PTPRG: variants seen among roughly 807,000 people sequenced by gnomAD.
PTPRG encodes protein tyrosine phosphatase receptor type G.
In PTPRG, 102 loss-of-function variants were observed where a neutral mutation model predicts 165.3. That is an observed-to-expected ratio of 0.62 (90% CI 0.53 to 0.73). The LOEUF is 0.73. Ranked by LOEUF, PTPRG falls within the 30% of genes least tolerant of loss-of-function variation. The pLI, the probability that PTPRG is intolerant of heterozygous loss-of-function variation, is 0.00. For missense variants in PTPRG, 1,866 were observed against 1,861.4 expected, an observed-to-expected ratio of 1.00 and a Z score of -0.05; for synonymous variants, 675 against 669.5, an observed-to-expected ratio of 1.01 and a Z score of -0.13.
At chr3:61,975,739 T>C (rs2040487463) in intron 2 of PTPRG, among the ~76,000 whole-genome samples, 1 of 152,210 alleles carries the variant, frequency 6.6e-6, no homozygotes, top group South Asian at 2.1e-4. Flanking sequence ...CACAGTTGCA[T>C]GTGTTTCTCC....
intron 1 of PTPRG, among the ~76,000 whole-genome samples, chr3:61,634,787 A>G (rs964093254): frequency 1.4e-4 from 21 of 152,216 alleles, no homozygotes; most frequent in African/African-American, 3.9e-4. Flanking sequence ...TAATGATGGG[A>G]TGTTTCTCTA....
At chr3:62,025,561 G>C (rs1315706895) in intron 4 of PTPRG, among the ~76,000 whole-genome samples, 1 of 152,096 alleles carries the variant, frequency 6.6e-6, no homozygotes, top group Non-Finnish European at 1.5e-5. Flanking sequence ...TTTGTTGACA[G>C]CCGTAAAATG....
intron 1 of PTPRG, among the ~76,000 whole-genome samples, chr3:61,685,863 C>T (rs1237288909): frequency 6.6e-6 from 1 of 152,162 alleles, no homozygotes; most frequent in African/African-American, 2.4e-5. Flanking sequence ...TAATTGACTG[C>T]TGGCACATTG....
Position 61,741,709 on chromosome 3 carries a change from C to T in PTPRG, c.86-7169C>T, listed in dbSNP as rs751969969. On this transcript the variant is annotated intron_variant, in intron 1 of 29. Coordinates refer to ENST00000474889, the MANE Select transcript of PTPRG (RefSeq NM_002841.4). ...GATAATGACATAGCAGAGGTCAAGT[C>T]GACATGGCTGGTTCAATACAGTCAG... Among the ~76,000 whole-genome samples, 4 of 151,970 alleles carry T rather than the reference C, an allele frequency of 2.6e-5. No individual in the cohort carries two copies. In the East Asian group the frequency reaches 5.8e-4, roughly 22 times the overall value.
intron 8 of PTPRG, among the ~76,000 whole-genome samples, chr3:62,179,513 A>C (rs1674466419): frequency 6.6e-6 from 1 of 152,266 alleles, no homozygotes; most frequent in African/African-American, 2.4e-5. Flanking sequence ...AAGGCTTGCC[A>C]GAAGAGAAGA....
At chr3:61,850,970 C>T (rs1304010458) in intron 2 of PTPRG, among the ~76,000 whole-genome samples, 1 of 152,174 alleles carries the variant, frequency 6.6e-6, no homozygotes, top group East Asian at 1.9e-4. Flanking sequence ...CTGAGAGGCT[C>T]CAGCACTGTC....
At chr3:61,810,659 T>C (rs2035547172) in intron 2 of PTPRG, among the ~76,000 whole-genome samples, 1 of 152,178 alleles carries the variant, frequency 6.6e-6, no homozygotes, top group Admixed American at 6.6e-5. Flanking sequence ...CCTACCTCTT[T>C]TGGACAGATT....
chr3:62,082,601 T>C (rs1156594329), intron 5 of PTPRG, among the ~76,000 whole-genome samples: 1 of 152,228 alleles, frequency 6.6e-6, no homozygotes, highest in East Asian at 1.9e-4. Context: ...CAAGCAGTCT[T>C]ATTCATGTGT....
intron 2 of PTPRG, among the ~76,000 whole-genome samples, chr3:61,958,545 C>T (rs1179725260): frequency 6.6e-6 from 1 of 152,180 alleles, no homozygotes; most frequent in Non-Finnish European, 1.5e-5. Context: ...GAAGCCATCC[C>T]TGATTCTCTT....
chr3:61,969,545 A>C (rs2040340045), intron 2 of PTPRG, among the ~76,000 whole-genome samples: 1 of 152,172 alleles, frequency 6.6e-6, no homozygotes, highest in African/African-American at 2.4e-5. Flanking sequence ...GTCTTCTTCA[A>C]GGGCAAGAGG....
chr3:61,736,408 C>G (rs185869464), intron 1 of PTPRG, among the ~76,000 whole-genome samples: 4 of 151,546 alleles, frequency 2.6e-5, no homozygotes, highest in African/African-American at 7.3e-5. Context: ...TCCTTATTTT[C>G]TCTGTGAATA....
intron 13 of PTPRG, among the ~76,000 whole-genome samples, chr3:62,227,531 A>T (rs1700790029): frequency 6.6e-6 from 1 of 152,230 alleles, no homozygotes; most frequent in Admixed American, 6.5e-5. Context: ...AAGAGAGGAA[A>T]CGGTTTCCAG....
chr3:62,143,080 C>G (rs1408410528), intron 6 of PTPRG, among the ~76,000 whole-genome samples: 1 of 152,166 alleles, frequency 6.6e-6, no homozygotes, highest in Non-Finnish European at 1.5e-5. Flanking sequence ...CGCTCAGATC[C>G]CTGCCAGGCT....
chr3:62,292,658 G>A, intron 29 of PTPRG, 102 bp downstream of exon 29: 1 of 1,362,092 alleles, frequency 7.3e-7, no homozygotes, highest in Non-Finnish European at 1.0e-6. Flanking sequence ...TTGCCCCCCA[G>A]GGGACATTTG....
In PTPRG at chr3:61,970,370, A is replaced by C. The variant is rs186072572; in HGVS notation, c.191-19255A>C. 6.6e-5 allele frequency among the ~76,000 whole-genome samples: 10 copies of C among 152,314 alleles called. No homozygotes were observed. In the East Asian group the frequency reaches 1.9e-3, roughly 29 times the overall value. On this transcript the variant is annotated intron_variant, in intron 2 of 29. Coordinates refer to ENST00000474889, the MANE Select transcript of PTPRG (RefSeq NM_002841.4). ...AAAATCACTGACAAAAAAATGCAGA[A>C]AACACAGGGAAACATCTAAGGAGGG...
intron 1 of PTPRG, among the ~76,000 whole-genome samples, chr3:61,646,311 A>G (rs908553030): frequency 6.6e-6 from 1 of 152,162 alleles, no homozygotes; most frequent in Non-Finnish European, 1.5e-5. Flanking sequence ...AGGTTTTGCC[A>G]TGTTGTCCAG....
At chr3:62,276,557 A>T (rs1400169469) in intron 24 of PTPRG, 1 of 170,912 alleles carries the variant, frequency 5.9e-6, no homozygotes, top group African/African-American at 2.4e-5. Flanking sequence ...ATCTCTAATG[A>T]AAAAGGCCAC....
At chr3:61,723,493 G>A (rs527527840) in intron 1 of PTPRG, among the ~76,000 whole-genome samples, 28 of 152,142 alleles carry the variant, frequency 1.8e-4, no homozygotes, top group African/African-American at 5.8e-4. Flanking sequence ...CTCATGTTAC[G>A]AGGTCCTTGT....
chr3:61,747,647 T>A (rs2033263039), intron 1 of PTPRG, among the ~76,000 whole-genome samples: 1 of 150,458 alleles, frequency 6.6e-6, no homozygotes, highest in Admixed American at 6.6e-5. Flanking sequence ...TAATTTTTTT[T>A]AATGACTGTC....
Sources: gnomAD v4.1 joint callset for allele counts (sites outside exome capture counted in the v4.1 genomes callset) on GRCh38, gnomAD v4.1.1 for gene constraint, MANE v1.5 for transcripts, NCBI Gene and HGNC (gene_info 2026-07-23, HGNC 2026-07-21) for gene names.